RNF216: variants seen among roughly 807,000 people sequenced by gnomAD.
RNF216 encodes E3 ubiquitin-protein ligase RNF216.
In RNF216, 72 loss-of-function variants were observed where a neutral mutation model predicts 110.8. The observed-to-expected ratio is 0.65, with a 90% CI of 0.54 to 0.79. The LOEUF is 0.79. Among genes scored for constraint, RNF216 ranks in the 30% least tolerant of loss-of-function variants. RNF216 has a pLI of 0.00. For synonymous variants in RNF216, 495 were observed against 407.5 expected (o/e 1.21, Z -2.59); for missense variants, 1,342 against 1,141.2 (o/e 1.18, Z -2.54).
At chr7:5,659,106 T>C (rs1788936587) in intron 13 of RNF216, among the ~76,000 whole-genome samples, 1 of 152,096 alleles carries the variant, frequency 6.6e-6, no homozygotes, top group East Asian at 1.9e-4. Context: ...AAACATGAAC[T>C]TAGATCAAGT....
chr7:5,755,202 G>GAGGGAAGGAAGA (rs1795564494), intron 2 of RNF216, among the ~76,000 whole-genome samples: 1 of 126,490 alleles, frequency 7.9e-6, no homozygotes, highest in African/African-American at 2.9e-5. Context: ...GGAAGGAAGG[G>GAGGGAAGGAAGA]AGGGAAGGAA....
At chr7:5,734,395 A>G (rs1794269030) in intron 5 of RNF216, among the ~76,000 whole-genome samples, 1 of 152,236 alleles carries the variant, frequency 6.6e-6, no homozygotes, top group African/African-American at 2.4e-5. Flanking sequence ...CAAAAAGGAT[A>G]GCAACGTTCT....
chr7:5,775,317 C>T (rs1184720137), intron 1 of RNF216: 2 of 152,184 alleles, frequency 1.3e-5, no homozygotes, highest in African/African-American at 2.4e-5. Context: ...CAAAATCTCA[C>T]CTTCACTTCC....
chr7:5,663,078 C>A (rs187507684), intron 13 of RNF216, among the ~76,000 whole-genome samples: 28 of 152,330 alleles, frequency 1.8e-4, no homozygotes, highest in African/African-American at 6.7e-4. Flanking sequence ...GCTTGGGAAA[C>A]CCAAATGACC....
At chr7:5,646,370 T>A (rs1788048969) in intron 14 of RNF216, among the ~76,000 whole-genome samples, 1 of 148,198 alleles carries the variant, frequency 6.7e-6, no homozygotes, top group Admixed American at 6.8e-5. Context: ...CGAGACTCCA[T>A]CCCAAAACAA....
intron 13 of RNF216, among the ~76,000 whole-genome samples, chr7:5,687,394 C>CAAAAAAAAAAAA (rs372177142): frequency 2.0e-5 from 1 of 49,830 alleles, no homozygotes; most frequent in African/African-American, 6.2e-5. Context: ...AACTCCACCT[C>CAAAAAAAAAAAA]AAAAAAAAAA....
intron 1 of RNF216, among the ~76,000 whole-genome samples, chr7:5,776,594 CAAAAA>C (rs35304255): frequency 1.6e-5 from 1 of 62,464 alleles, no homozygotes. Flanking sequence ...GACTCCGTCT[CAAAAA>C]AAAAAAAAAA....
Position 5,761,008 on chromosome 7 carries a change from C to T in RNF216, c.62G>A (p.Gly21Glu), listed in dbSNP as rs747617326. ...AGTGAGAACAAACAACTTACCTTGTCCCCGATGGCAGTGAAAGTTGTTCAA... is the reference window on the plus strand; with the variant it reads ...AGTGAGAACAAACAACTTACCTTGTTCCCGATGGCAGTGAAAGTTGTTCAA... Reference protein sequence around the residue: ...IHLNNFHCHRGQEWINLRDGP... With the variant: ...IHLNNFHCHREQEWINLRDGP... Residue 21 changes from glycine (G) to glutamate (E), a missense_variant, in exon 2 of 17, where the codon GGA becomes GAA. Gly to Glu is a moderately conservative substitution (Grantham distance 98, BLOSUM62 -2). Coordinates refer to ENST00000389902, the MANE Select transcript of RNF216 (RefSeq NM_207111.4). 9.5e-6 allele frequency: 15 copies of T among 1,571,812 alleles called. No individual in the cohort carries two copies. Among genetic ancestry groups the T allele is most frequent in the Non-Finnish European group, 1.2e-5 (14 of 1,162,616 alleles).
At chr7:5,762,473 C>T (rs984514703) in intron 1 of RNF216, among the ~76,000 whole-genome samples, 3 of 151,196 alleles carry the variant, frequency 2.0e-5, no homozygotes, top group African/African-American at 7.3e-5. Context: ...CTGGCCAACA[C>T]GGTGAAACCC....
intron 6 of RNF216, among the ~76,000 whole-genome samples, chr7:5,730,147 G>C (rs1315431790): frequency 6.6e-6 from 1 of 152,178 alleles, no homozygotes; most frequent in Non-Finnish European, 1.5e-5. Context: ...ATTCCACTCT[G>C]GGTAATGACC....
chr7:5,760,496 A>T, intron 2 of RNF216: 1 of 350,532 alleles, frequency 2.9e-6, no homozygotes. Context: ...GGCCTGGGCA[A>T]TGAGTAAAAT....
In RNF216 at chr7:5,620,849, C is replaced by G. The variant is rs1030513707; in HGVS notation, c.*2011G>C. The G allele has an allele frequency of 5.9e-5, 9 of 152,360 alleles. No individual in the cohort carries two copies. The highest frequency in any genetic ancestry group is 2.2e-4 in the African/African-American group (9 of 41,580). The allele number at this position is 152,360 out of a possible 1,614,324, so 9.4% of individuals were successfully genotyped here. On this transcript the variant is annotated 3_prime_UTR_variant, in exon 17 of 17. Coordinates refer to ENST00000389902, the MANE Select transcript of RNF216 (RefSeq NM_207111.4). ...TACAGGGCAGAGGGAGCTGAGGCTC[C>G]CAGGGCCTGAGGTCACCTCTTCAGC...
At chr7:5,686,834 A>G (rs1363059900) in intron 13 of RNF216, among the ~76,000 whole-genome samples, 1 of 152,122 alleles carries the variant, frequency 6.6e-6, no homozygotes, top group African/African-American at 2.4e-5. Flanking sequence ...TCTCATAAGG[A>G]GTGTGCAACT....
intron 13 of RNF216, among the ~76,000 whole-genome samples, chr7:5,671,299 G>C (rs1423391190): frequency 6.6e-6 from 1 of 152,104 alleles, no homozygotes; most frequent in African/African-American, 2.4e-5. Flanking sequence ...GCTTTCTATT[G>C]TTTTCCCAAC....
chr7:5,658,439 G>T (rs935180589), intron 13 of RNF216, among the ~76,000 whole-genome samples: 2 of 151,952 alleles, frequency 1.3e-5, no homozygotes, highest in African/African-American at 4.8e-5. Flanking sequence ...GGCAGATCAC[G>T]TAAGCCCAGG....
intron 13 of RNF216, among the ~76,000 whole-genome samples, chr7:5,666,189 G>A (rs952945844): frequency 4.1e-5 from 6 of 147,770 alleles, no homozygotes; most frequent in South Asian, 2.1e-4. Flanking sequence ...AAAAAAATCC[G>A]AAACCAGTAT....
intron 13 of RNF216, among the ~76,000 whole-genome samples, chr7:5,689,443 C>G (rs1262123635): frequency 1.3e-5 from 2 of 150,726 alleles, no homozygotes; most frequent in Admixed American, 1.3e-4. Flanking sequence ...CCTAGAAACC[C>G]ACATCCCTTC....
intron 15 of RNF216, among the ~76,000 whole-genome samples, chr7:5,633,213 G>A (rs1434953159): frequency 1.3e-5 from 2 of 151,942 alleles, no homozygotes; most frequent in Admixed American, 1.3e-4. Context: ...TCCTGACCTT[G>A]TGATCCACCC....
chr7:5,709,930 A>AT (rs1056762030), intron 13 of RNF216, among the ~76,000 whole-genome samples: 4 of 151,910 alleles, frequency 2.6e-5, no homozygotes, highest in Non-Finnish European at 4.4e-5. Context: ...GAGTTTTAAA[A>AT]TTTTTTTTGT....
Sources: allele counts gnomAD v4.1 joint callset (sites outside exome capture counted in the v4.1 genomes callset), GRCh38; gene constraint gnomAD v4.1.1; transcripts MANE v1.5; gene names NCBI Gene and HGNC (gene_info 2026-07-23, HGNC 2026-07-21).